Variants in TIAM2 observed in about 807,000 individuals in gnomAD.
TIAM2 encodes TIAM Rac1 associated GEF 2, also known as rho guanine nucleotide exchange factor TIAM2.
In TIAM2, 80 loss-of-function variants were observed where a neutral mutation model predicts 152.9. The observed-to-expected ratio is 0.52, with a 90% CI of 0.44 to 0.63. The LOEUF is 0.63. Among genes scored for constraint, TIAM2 ranks in the 30% least tolerant of loss-of-function variants. TIAM2 has a pLI of 0.00. For synonymous variants in TIAM2, 804 were observed against 838.0 expected, an observed-to-expected ratio of 0.96 and a Z score of 0.70; for missense variants, 1,965 against 2,120.1, an observed-to-expected ratio of 0.93 and a Z score of 1.44.
rs752969661 is a variant in TIAM2, at chr6:155,129,955, TTC to T, written c.734_735del (p.Ser245Ter). ...GGTCCAGCAAAGGCAGCTCCCTGAG[TTC>T]TGAGTCATCCTGGTACGACTCCCCT... The part of the protein sequence containing the change: ...LRSSKGSSLS[S>X]ESSWYDSPWG... On this transcript the variant is annotated frameshift_variant, in exon 4 of 27. Coordinates refer to ENST00000682666, the MANE Select transcript of TIAM2 (RefSeq NM_012454.4). LOFTEE classifies it high-confidence loss of function. The surrounding 1 kb of genome is among the most constrained non-coding windows in gnomAD (Gnocchi z 4.8). The T allele has an allele frequency of 6.2e-7, 1 of 1,613,998 alleles. No individual in the cohort carries two copies. The highest frequency in any genetic ancestry group is 1.7e-5 in the Admixed American group (1 of 60,026).
chr6:155,079,659 A>G (rs1200695769), intron 1 of TIAM2, among the ~76,000 whole-genome samples: 2 of 152,186 alleles, frequency 1.3e-5, no homozygotes, highest in African/African-American at 4.8e-5. Flanking sequence ...AAAAATTTCT[A>G]ATAGAGGCCA....
At chr6:155,215,319 G>T (rs1781827167) in intron 15 of TIAM2, among the ~76,000 whole-genome samples, 1 of 152,200 alleles carries the variant, frequency 6.6e-6, no homozygotes, top group Non-Finnish European at 1.5e-5. Context: ...CTGCAATCAG[G>T]TTGAAATTGG....
chr6:155,206,855 A>G (rs1781608223), intron 14 of TIAM2, among the ~76,000 whole-genome samples: 1 of 152,134 alleles, frequency 6.6e-6, no homozygotes, highest in Non-Finnish European at 1.5e-5. Context: ...ACCAGATACA[A>G]ATAGATAACT....
chr6:154,995,907 C>A lies in TIAM2; in HGVS notation c.-209+415C>A, dbSNP rs2114828925. Among the ~76,000 whole-genome samples, 1 of 152,310 alleles carries A rather than the reference C, an allele frequency of 6.6e-6. No homozygotes were observed. The highest frequency in any genetic ancestry group is 2.1e-4 in the South Asian group (1 of 4,832). ...AGCCGTGGGTGCCCGGAGGGGAGCG[C>A]CCGCTGCGCCCACGCCCGCCCGGCG... On this transcript the variant is annotated intron_variant, in intron 1 of 26. Coordinates refer to ENST00000682666, the MANE Select transcript of TIAM2 (RefSeq NM_012454.4). This position sits in a 1 kb window ranked among gnomAD's most constrained non-coding sequence, Gnocchi z 5.2.
chr6:155,096,089 AT>A (rs1778415116), intron 2 of TIAM2, among the ~76,000 whole-genome samples: 4 of 152,188 alleles, frequency 2.6e-5, no homozygotes, highest in Admixed American at 2.6e-4. Flanking sequence ...TTTGTAAAGC[AT>A]TTTATTTAAT....
At position 155,186,872 on chromosome 6, in the gene TIAM2, G is replaced by A. The variant is rs1443170995; in HGVS notation, c.3064+3372G>A. On this transcript the variant is annotated intron_variant, in intron 14 of 26. Transcript: ENST00000682666. This position sits in a 1 kb window ranked among gnomAD's most constrained non-coding sequence, Gnocchi z 4.5. ...GCAGTGGCCGGCCATTTGAGAGCCT[G>A]CCTTTCCCTAAATTTCACTTTCCCT... is the stretch of plus-strand genomic sequence containing the variant. 6.6e-6 allele frequency among the ~76,000 whole-genome samples: 1 copy of A among 152,162 alleles called. No homozygotes were observed. Among genetic ancestry groups the A allele is most frequent in the Non-Finnish European group, 1.5e-5 (1 of 68,046 alleles).
intron 7 of TIAM2, among the ~76,000 whole-genome samples, chr6:155,164,024 A>G (rs2115098181): frequency 6.8e-6 from 1 of 147,380 alleles, no homozygotes; most frequent in South Asian, 2.2e-4. Flanking sequence ...CAGTGGCATG[A>G]TCTTGGCTCA....
At chr6:155,133,001 C>G (rs578060545) in intron 4 of TIAM2, among the ~76,000 whole-genome samples, 27 of 152,208 alleles carry the variant, frequency 1.8e-4, no homozygotes, top group Non-Finnish European at 3.5e-4. Flanking sequence ...AACTGGGTCT[C>G]CTTCAATTCT....
intron 1 of TIAM2, among the ~76,000 whole-genome samples, chr6:155,015,703 T>G (rs1778562908): frequency 1.3e-5 from 2 of 151,888 alleles, no homozygotes; most frequent in African/African-American, 2.4e-5. Flanking sequence ...TTGGGAGGCC[T>G]AAGCAGATGG....
At chr6:155,208,521 C>T (rs775098121) in intron 14 of TIAM2, among the ~76,000 whole-genome samples, 26 of 152,030 alleles carry the variant, frequency 1.7e-4, no homozygotes, top group Admixed American at 3.3e-4. Context: ...CTGGACTCCC[C>T]GACCACTGAA....
At chr6:155,233,129 C>T (rs1346333200) in intron 15 of TIAM2, among the ~76,000 whole-genome samples, 1 of 152,144 alleles carries the variant, frequency 6.6e-6, no homozygotes. Context: ...GTATTTCATG[C>T]AGTAGCTACA....
intron 1 of TIAM2, among the ~76,000 whole-genome samples, chr6:155,006,921 C>T (rs1418682553): frequency 1.3e-5 from 2 of 152,070 alleles, no homozygotes; most frequent in Non-Finnish European, 2.9e-5. Flanking sequence ...AAACTCTTGA[C>T]CTCAAGTGAT....
chr6:155,187,536 T>C (rs1156386651), intron 14 of TIAM2, among the ~76,000 whole-genome samples: 2 of 149,214 alleles, frequency 1.3e-5, no homozygotes, highest in Admixed American at 6.7e-5. Context: ...TGCAAGAGGC[T>C]TGGGGCAGTG....
chr6:155,164,064 A>G (rs530695395), intron 7 of TIAM2, among the ~76,000 whole-genome samples: 3 of 147,984 alleles, frequency 2.0e-5, no homozygotes, highest in Non-Finnish European at 4.4e-5. Context: ...GGTTTAATCC[A>G]TTCTCCTGCC....
At chr6:155,083,455 C>G (rs1395570238) in intron 1 of TIAM2, among the ~76,000 whole-genome samples, 3 of 151,946 alleles carry the variant, frequency 2.0e-5, no homozygotes, top group Middle Eastern at 6.9e-3. Context: ...GGCCACACAG[C>G]TGGTTTCCTG....
intron 14 of TIAM2, among the ~76,000 whole-genome samples, chr6:155,185,182 A>G (rs1781011268): frequency 7.9e-6 from 1 of 127,340 alleles, no homozygotes; most frequent in Non-Finnish European, 1.5e-5. Flanking sequence ...GCTGGAGTGC[A>G]GTGGCGCAAT....
intron 1 of TIAM2, among the ~76,000 whole-genome samples, chr6:155,079,935 G>A (rs6557399): frequency 0.23 from 35,336 of 152,018 alleles, 4,702 homozygotes; most frequent in East Asian, 0.43. Flanking sequence ...TTAATAGAGT[G>A]AGACCTTGTC....
At chr6:155,116,137 C>T (rs557913494) in intron 2 of TIAM2, among the ~76,000 whole-genome samples, 30 of 152,272 alleles carry the variant, frequency 2.0e-4, no homozygotes, top group Non-Finnish European at 1.3e-4. Context: ...CTTCCCCCTC[C>T]ATCCGTGTTT....
intron 1 of TIAM2, among the ~76,000 whole-genome samples, chr6:155,014,651 C>T (rs1054780915): frequency 2.0e-5 from 3 of 152,084 alleles, no homozygotes; most frequent in East Asian, 1.9e-4. Flanking sequence ...TGAGTATCTA[C>T]GTACACTCAA....
Sources: gnomAD v4.1 joint callset for allele counts (sites outside exome capture counted in the v4.1 genomes callset) on GRCh38, gnomAD v4.1.1 for gene constraint, Gnocchi (gnomAD v3.1) non-coding constraint, MANE v1.5 for transcripts, NCBI Gene and HGNC (gene_info 2026-07-23, HGNC 2026-07-21) for gene names.